EEFSEC: variants seen among roughly 807,000 people sequenced by gnomAD.
EEFSEC encodes eukaryotic elongation factor, selenocysteine-tRNA specific.
Under a neutral mutation model 42.1 loss-of-function variants are expected in EEFSEC, and 43 were observed. The observed-to-expected ratio is 1.02, with a 90% CI of 0.80 to 1.32. EEFSEC has a LOEUF of 1.32. Ranked by LOEUF, EEFSEC falls within the 40% of genes most tolerant of loss-of-function variation. The pLI is 0.00. For synonymous variants in EEFSEC, 354 were observed against 339.1 expected (o/e 1.04, Z -0.48); for missense variants, 745 against 803.6 (o/e 0.93, Z 0.88).
intron 6 of EEFSEC, among the ~76,000 whole-genome samples, chr3:128,362,790 G>A (rs566254219): frequency 2.9e-4 from 44 of 152,336 alleles, no homozygotes; most frequent in African/African-American, 7.2e-4. Context: ...GGCCACAGCC[G>A]CGGCCTCATC....
At chr3:128,271,700 C>G (rs2107946600) in intron 4 of EEFSEC, among the ~76,000 whole-genome samples, 1 of 152,256 alleles carries the variant, frequency 6.6e-6, no homozygotes, top group Non-Finnish European at 1.5e-5. Flanking sequence ...TCTGCAGCAC[C>G]ATGGCCACTG....
downstream of EEFSEC, among the ~76,000 whole-genome samples, chr3:128,410,343 C>A (rs1230242149): frequency 6.6e-6 from 1 of 152,230 alleles, no homozygotes; most frequent in East Asian, 1.9e-4. Flanking sequence ...AGGTCCTGGC[C>A]TGCATGGGCA....
intron 1 of EEFSEC, among the ~76,000 whole-genome samples, chr3:128,159,327 A>T (rs1335086220): frequency 6.6e-6 from 1 of 152,302 alleles, no homozygotes; most frequent in East Asian, 1.9e-4. Context: ...ATTTCACCTC[A>T]TGGTCCACAA....
At chr3:128,221,383 A>C (rs2955132) in intron 1 of EEFSEC, among the ~76,000 whole-genome samples, 20,305 of 152,128 alleles carry the variant, frequency 0.13, 1,557 homozygotes, top group Admixed American at 0.2. Flanking sequence ...GAAAAAAGAC[A>C]AGAAGTTGCC....
intron 4 of EEFSEC, among the ~76,000 whole-genome samples, chr3:128,314,943 G>C (rs77591027): frequency 0.028 from 4,188 of 152,206 alleles, 209 homozygotes; most frequent in African/African-American, 0.094. Context: ...GCAGGGATGG[G>C]GGTCGCCTGG....
the EEFSEC span, among the ~76,000 whole-genome samples, chr3:128,422,118 A>G: frequency 6.6e-6 from 1 of 152,164 alleles, no homozygotes; most frequent in South Asian, 2.1e-4. Context: ...CCAGACCTAC[A>G]GATCTGCCTG....
Position 128,236,561 on chromosome 3 carries a change from T to C in EEFSEC, c.317-10275T>C, listed in dbSNP as rs112772484. Among the ~76,000 whole-genome samples, 536 of 138,796 alleles carry C rather than the reference T, an allele frequency of 3.9e-3. 1 individual carries two copies. Among genetic ancestry groups the C allele is most frequent in the African/African-American group, 0.012 (496 of 40,878 alleles). The allele number at this position is 138,796 out of a possible 152,430, so 91.1% of individuals were successfully genotyped here. A position where few individuals can be genotyped will look rare whatever the true frequency, so the allele number is the denominator to read the frequency against. ...CAGTAGGTGAAAAACAGAATTTCAG[T>C]GTACAGTGGTTTTAATTTGCATTTT... On this transcript the variant is annotated intron_variant, in intron 1 of 6. Coordinates refer to ENST00000254730, the MANE Select transcript of EEFSEC (RefSeq NM_021937.5).
chr3:128,268,128 C>T (rs2066374517), intron 4 of EEFSEC, among the ~76,000 whole-genome samples: 4 of 152,358 alleles, frequency 2.6e-5, no homozygotes, highest in Admixed American at 2.0e-4. Flanking sequence ...GTATTGAAAC[C>T]TCATGGAATT....
chr3:128,316,363 C>G (rs867276208), intron 4 of EEFSEC, among the ~76,000 whole-genome samples: 1 of 152,138 alleles, frequency 6.6e-6, no homozygotes, highest in South Asian at 2.1e-4. Context: ...CTGTCATAGG[C>G]ATTGTTTGTT....
intron 4 of EEFSEC, among the ~76,000 whole-genome samples, chr3:128,290,698 G>T (rs937516312): frequency 2.0e-5 from 3 of 151,970 alleles, no homozygotes; most frequent in Non-Finnish European, 4.4e-5. Context: ...TATTGATATA[G>T]GTCTTTAGTT....
chr3:128,308,356 G>C (rs1405786829), intron 4 of EEFSEC, among the ~76,000 whole-genome samples: 1 of 152,228 alleles, frequency 6.6e-6, no homozygotes, highest in Admixed American at 6.5e-5. Flanking sequence ...TGTGTCAGGG[G>C]AGGGGGAATT....
intron 5 of EEFSEC, among the ~76,000 whole-genome samples, chr3:128,352,559 G>A (rs1357399155): frequency 6.6e-6 from 1 of 152,216 alleles, no homozygotes; most frequent in Non-Finnish European, 1.5e-5. Context: ...TCTGAGGCCG[G>A]CAGTCTCTTA....
chr3:128,255,215 T>C (rs1249413815), intron 2 of EEFSEC, among the ~76,000 whole-genome samples: 1 of 151,732 alleles, frequency 6.6e-6, no homozygotes, highest in Non-Finnish European at 1.5e-5. Flanking sequence ...CTGGCCACTC[T>C]TTGGGGAGGC....
chr3:128,313,196 G>C (rs1259538705), intron 4 of EEFSEC, among the ~76,000 whole-genome samples: 3 of 152,228 alleles, frequency 2.0e-5, no homozygotes, highest in Non-Finnish European at 4.4e-5. Context: ...CCAGTTGATA[G>C]TGTGCCTCTC....
At chr3:128,402,500 G>C (rs1284920567) in intron 6 of EEFSEC, among the ~76,000 whole-genome samples, 1 of 152,208 alleles carries the variant, frequency 6.6e-6, no homozygotes, top group African/African-American at 2.4e-5. Context: ...AAACGGGCTT[G>C]GGAATCAGAT....
chr3:128,320,032 T>G (rs1304366625), intron 4 of EEFSEC, among the ~76,000 whole-genome samples: 1 of 152,262 alleles, frequency 6.6e-6, no homozygotes, highest in Non-Finnish European at 1.5e-5. Context: ...GGACACTGTT[T>G]ACAGTGTCCT....
intron 1 of EEFSEC, among the ~76,000 whole-genome samples, chr3:128,231,089 G>C (rs986281445): frequency 1.3e-5 from 2 of 151,504 alleles, no homozygotes; most frequent in African/African-American, 4.9e-5. Context: ...CCTCTCTCCT[G>C]TCTTCCCTCG....
At chr3:128,196,096 C>T (rs925217075) in intron 1 of EEFSEC, among the ~76,000 whole-genome samples, 1 of 152,214 alleles carries the variant, frequency 6.6e-6, no homozygotes, top group Admixed American at 6.5e-5. Context: ...CTGTGACTCT[C>T]TGCTGTTTGA....
intron 6 of EEFSEC, among the ~76,000 whole-genome samples, chr3:128,386,127 G>A (rs1622184): frequency 1.3e-5 from 2 of 152,168 alleles, no homozygotes; most frequent in Non-Finnish European, 2.9e-5. Context: ...GTAAATAGTC[G>A]AAGTGGTGGC....
Sources: gnomAD v4.1 joint callset for allele counts (sites outside exome capture counted in the v4.1 genomes callset) on GRCh38, gnomAD v4.1.1 for gene constraint, MANE v1.5 for transcripts, NCBI Gene and HGNC (gene_info 2026-07-23, HGNC 2026-07-21) for gene names.